Variants in SERBP1 observed in about 807,000 individuals in gnomAD.
The protein encoded by SERBP1 is SERPINE1 mRNA binding protein 1.
A neutral mutation model predicts 50.2 loss-of-function variants in SERBP1; 6 were observed. That is an observed-to-expected ratio of 0.12 (90% confidence interval 0.07 to 0.24). SERBP1 has a LOEUF of 0.24. Among genes scored for constraint, SERBP1 ranks in the 10% least tolerant of loss-of-function variants. The pLI is 1.00. For missense variants in SERBP1, 346 were observed against 524.9 expected, an observed-to-expected ratio of 0.66 and a Z score of 3.33; for synonymous variants, 168 against 182.8, an observed-to-expected ratio of 0.92 and a Z score of 0.65.
Position 67,409,141 on chromosome 1 carries a change from T to A in SERBP1, c.*4066A>T. On this transcript the variant is annotated 3_prime_UTR_variant, in exon 8 of 8. Coordinates refer to ENST00000361219, the MANE Select transcript of SERBP1 (RefSeq NM_001018069.2). ...AGCTACTCAGGAGGCTGAGGCAGAA[T>A]TGCTTGAACCCGGGAGGTGGAGGCT... 6.6e-6 allele frequency: 1 copy of A among 152,096 alleles called. No homozygotes were observed. The highest frequency in any genetic ancestry group is 1.5e-5 in the Non-Finnish European group (1 of 68,158). The allele number at this position is 152,096 out of a possible 1,614,324, so 9.4% of individuals were successfully genotyped here. A position where few individuals can be genotyped will look rare whatever the true frequency, so the allele number is the denominator to read the frequency against.
intron 7 of SERBP1, among the ~76,000 whole-genome samples, chr1:67,414,167 A>G (rs1447880579): frequency 6.6e-6 from 1 of 152,252 alleles, no homozygotes; most frequent in Non-Finnish European, 1.5e-5. Flanking sequence ...ATTGTTCAGT[A>G]TTCTTATACT....
Position 67,425,247 on chromosome 1 carries a change from T to C in SERBP1, c.465-24A>G, listed in dbSNP as rs761109145. On this transcript the variant is annotated intron_variant, in intron 2 of 7. Coordinates refer to ENST00000361219, the MANE Select transcript of SERBP1 (RefSeq NM_001018069.2). ...GTCTATAATATAAACAAATAAATTA[T>C]ACTTCCATGGTTTCCAGAAGAAATG... 2.6e-6 allele frequency: 4 copies of C among 1,564,956 alleles called. No individual in the cohort carries two copies. In the Admixed American group the frequency reaches 6.2e-5, roughly 24 times the overall value.
At chr1:67,420,425 T>C (rs773528798) in intron 5 of SERBP1, 1 of 399,192 alleles carries the variant, frequency 2.5e-6, no homozygotes, top group Non-Finnish European at 4.4e-6. Flanking sequence ...AACTCTTAAA[T>C]GATCATTTAT....
intron 7 of SERBP1, 110 bp downstream of exon 7, chr1:67,415,056 C>A: frequency 8.3e-7 from 1 of 1,211,574 alleles, no homozygotes; most frequent in Non-Finnish European, 1.1e-6. Flanking sequence ...TTCTTAAAGA[C>A]ACTGCTACTA....
At chr1:67,422,028 T>C (rs930338831) in intron 5 of SERBP1, among the ~76,000 whole-genome samples, 1 of 152,210 alleles carries the variant, frequency 6.6e-6, no homozygotes, top group Non-Finnish European at 1.5e-5. Context: ...CTTCATTGTT[T>C]ATCATGCAAA....
Position 67,415,102 on chromosome 1 carries a change from A to T in SERBP1, c.1125+64T>A. 4 of 1,473,178 alleles carry T rather than the reference A, an allele frequency of 2.7e-6. 1 individual carries two copies. In the Middle Eastern group the frequency reaches 5.4e-4, roughly 200 times the overall value. The allele number at this position is 1,473,178 out of a possible 1,614,324, so 91.3% of individuals were successfully genotyped here. A position where few individuals can be genotyped will look rare whatever the true frequency, so the allele number is the denominator to read the frequency against. ...TGTTCCCAAAAGTGACATAAGTCTG[A>T]CCCAGCCAGTGACTTATAAGAGGTC... On this transcript the variant is annotated intron_variant, in intron 7 of 7. Transcript: ENST00000361219.
rs1172230625 is a variant in SERBP1, at chr1:67,430,354, C to A, written c.-54G>T. Reference sequence around the variant, plus strand: ...CGGATTGCAGCGGGCCGCGCCGAGCCAAGAGCGCCTGCTTCAGCTCTTCCC... The same window carrying A: ...CGGATTGCAGCGGGCCGCGCCGAGCAAAGAGCGCCTGCTTCAGCTCTTCCC... On this transcript the variant is annotated 5_prime_UTR_variant, in exon 1 of 8. Coordinates refer to ENST00000361219, the MANE Select transcript of SERBP1 (RefSeq NM_001018069.2). The A allele has an allele frequency of 1.3e-6, 2 of 1,482,120 alleles. No individual in the cohort carries two copies. The highest frequency in any genetic ancestry group is 2.4e-5 in the East Asian group (1 of 41,806). 91.8% of individuals were successfully genotyped at this position (1,482,120 alleles called of 1,614,324 possible).
chr1:67,429,916 C>A (rs1249541676), intron 1 of SERBP1, 72 bp downstream of exon 1: 5 of 1,469,144 alleles, frequency 3.4e-6, no homozygotes, highest in Admixed American at 4.6e-5. Flanking sequence ...GCTCCAGAAA[C>A]AAGTGGCAGC....
chr1:67,412,092 TAA>T lies in SERBP1; in HGVS notation c.*1113_*1114del, dbSNP rs536216710. On this transcript the variant is annotated 3_prime_UTR_variant, in exon 8 of 8. Transcript: ENST00000361219. ...GTGCTGCTGTTCCAACCTTACAAAGTAAAGCTGTCTGCTTCCCAAATTCCAAA... is the reference window on the plus strand; with the variant it reads ...GTGCTGCTGTTCCAACCTTACAAAGTAGCTGTCTGCTTCCCAAATTCCAAA... 20 of 152,774 alleles carry T rather than the reference TAA, an allele frequency of 1.3e-4. No individual in the cohort carries two copies. The highest frequency in any genetic ancestry group is 4.3e-4 in the African/African-American group (18 of 41,574). 9.5% of individuals were successfully genotyped at this position (152,774 alleles called of 1,614,324 possible). A position where few individuals can be genotyped will look rare whatever the true frequency, so the allele number is the denominator to read the frequency against.
chr1:67,427,946 T>C (rs1314651879), intron 1 of SERBP1, among the ~76,000 whole-genome samples: 1 of 152,222 alleles, frequency 6.6e-6, no homozygotes, highest in African/African-American at 2.4e-5. Flanking sequence ...CAAGAGAATG[T>C]ACAAAATTAA....
At chr1:67,416,215 G>A (rs577107529) in intron 6 of SERBP1, among the ~76,000 whole-genome samples, 1 of 152,210 alleles carries the variant, frequency 6.6e-6, no homozygotes, top group South Asian at 2.1e-4. Context: ...TTTTCACAGT[G>A]TTGCTCAGGC....
chr1:67,418,730 GC>G (rs1667109279), intron 6 of SERBP1, among the ~76,000 whole-genome samples: 1 of 151,374 alleles, frequency 6.6e-6, no homozygotes, highest in Admixed American at 6.6e-5. Flanking sequence ...CTGCATTCCA[GC>G]CTGGGCGACA....
Position 67,430,009 on chromosome 1 carries a change from G to A in SERBP1, c.292C>T (p.Pro98Ser), listed in dbSNP as rs767847748. The A allele has an allele frequency of 1.2e-6, 2 of 1,610,892 alleles. No individual in the cohort carries two copies. The highest frequency in any genetic ancestry group is 2.2e-5 in the East Asian group (1 of 44,808). The change falls in exon 1 of 8, where the codon CCC becomes TCC. Residue 98 changes from proline to serine, a missense_variant. By Grantham distance (74) the Pro-to-Ser change is moderately conservative. Transcript: ENST00000361219. ...VVDKKEETQP[P>S]VALKKEGIRR... is the part of the protein sequence containing the mutation. ...TTACCTTCTTTCTTAAGCGCCACGG[G>A]CGGCTGCGTCTCCTCTTTCTTGTCA...
intron 5 of SERBP1, among the ~76,000 whole-genome samples, chr1:67,421,393 T>C (rs1435404814): frequency 9.2e-5 from 14 of 152,202 alleles, no homozygotes; most frequent in Admixed American, 7.2e-4. Flanking sequence ...GGAAGCTATA[T>C]ATAAGTTAGT....
At chr1:67,414,070 G>GT (rs1476543381) in intron 7 of SERBP1, among the ~76,000 whole-genome samples, 1 of 152,134 alleles carries the variant, frequency 6.6e-6, no homozygotes, top group African/African-American at 2.4e-5. Context: ...GATTACAGGC[G>GT]TGAGGCAGTG....
intron 7 of SERBP1, among the ~76,000 whole-genome samples, chr1:67,414,001 G>A (rs890469948): frequency 5.9e-5 from 9 of 152,112 alleles, no homozygotes; most frequent in African/African-American, 1.9e-4. Flanking sequence ...CGTTGGCCAG[G>A]CTGGTCTCAA....
intron 1 of SERBP1, among the ~76,000 whole-genome samples, chr1:67,429,239 G>A (rs1329509397): frequency 6.6e-6 from 1 of 152,204 alleles, no homozygotes; most frequent in Non-Finnish European, 1.5e-5. Flanking sequence ...AGTCGAGAGA[G>A]AGGATCGTGA....
rs191535593 is a variant in SERBP1 at position 67,413,482 on chromosome 1, G to C, written c.1126-219C>G. ...TGGCCAACATGGTGAAATCCTGTCTGTACTAAAAATATAAACAATTAGCTG... is the reference window on the plus strand; with the variant it reads ...TGGCCAACATGGTGAAATCCTGTCTCTACTAAAAATATAAACAATTAGCTG... On this transcript the variant is annotated intron_variant, in intron 7 of 7. Transcript: ENST00000361219. 2.0e-3 allele frequency among the ~76,000 whole-genome samples: 297 copies of C among 151,900 alleles called. 3 individuals are homozygous for C. Among genetic ancestry groups the C allele is most frequent in the Non-Finnish European group, 8.4e-4 (57 of 67,906 alleles).
chr1:67,427,045 A>G (rs1281949054), intron 1 of SERBP1, among the ~76,000 whole-genome samples: 1 of 152,210 alleles, frequency 6.6e-6, no homozygotes, highest in African/African-American at 2.4e-5. Flanking sequence ...ACACTCCCAC[A>G]TCCCTAAGTA....
Sources: allele counts gnomAD v4.1 joint callset (sites outside exome capture counted in the v4.1 genomes callset), GRCh38; gene constraint gnomAD v4.1.1; transcripts MANE v1.5; gene names NCBI Gene and HGNC (gene_info 2026-07-23, HGNC 2026-07-21).